The following DTNA variants were observed in gnomAD, a reference collection of about 807,000 sequenced individuals.
The protein encoded by DTNA is dystrobrevin alpha, also known as dystrophin-related protein 3.
A neutral mutation model predicts 100.7 loss-of-function variants in DTNA; 43 were observed. The ratio of observed to expected loss-of-function variants is 0.43; its 90% CI spans 0.33 to 0.55. The LOEUF (loss-of-function observed/expected upper bound fraction) is 0.55, where lower values mean the gene tolerates loss of function less well. DTNA is among the 20% of genes least tolerant of loss of function. DTNA has a pLI of 0.04. For synonymous variants in DTNA, 349 were observed against 347.9 expected (o/e 1.00, Z -0.04); for missense variants, 798 against 953.9 (o/e 0.84, Z 2.15).
rs183098383 is a variant in DTNA, at chr18:34,517,213, C to T, written c.-2+23699C>T. 6.6e-4 allele frequency among the ~76,000 whole-genome samples: 101 copies of T among 152,200 alleles called. No homozygotes were observed. The East Asian group carries it at 0.012, about 19-fold the overall frequency. ...GCTACTGCTCAAAAACTTGTTGGAA[C>T]GTCTTACACTGAAGCTGCCCTAAAT... On this transcript the variant is annotated intron_variant, in intron 1 of 19. Transcript: ENST00000283365.
At chr18:34,594,969 G>A (rs1052080731) in intron 1 of DTNA, among the ~76,000 whole-genome samples, 1 of 152,230 alleles carries the variant, frequency 6.6e-6, no homozygotes, top group Admixed American at 6.5e-5. Context: ...TTGCTTTTCA[G>A]TGTAAATATC....
intron 5 of DTNA, among the ~76,000 whole-genome samples, chr18:34,806,765 G>A (rs1222778765): frequency 2.0e-5 from 3 of 152,184 alleles, no homozygotes; most frequent in African/African-American, 4.8e-5. Flanking sequence ...TGTCAGGAAA[G>A]AAGAATAGGA....
At chr18:34,516,181 C>T (rs1022070274) in intron 1 of DTNA, among the ~76,000 whole-genome samples, 6 of 151,960 alleles carry the variant, frequency 3.9e-5, no homozygotes, top group African/African-American at 7.2e-5. Flanking sequence ...GCTGGGTGTC[C>T]GGGGAAGGCA....
At chr18:34,874,729 T>C (rs1404010645) in intron 17 of DTNA, among the ~76,000 whole-genome samples, 1 of 152,212 alleles carries the variant, frequency 6.6e-6, no homozygotes, top group Non-Finnish European at 1.5e-5. Context: ...AATTTACACT[T>C]CATTTGATTC....
chr18:34,616,704 ATTGCT>A (rs2055358014), intron 1 of DTNA, among the ~76,000 whole-genome samples: 1 of 152,160 alleles, frequency 6.6e-6, no homozygotes, highest in African/African-American at 2.4e-5. Flanking sequence ...GAATCTGTAA[ATTGCT>A]TTGAGCAATA....
intron 1 of DTNA, among the ~76,000 whole-genome samples, chr18:34,618,681 T>C (rs1232330233): frequency 6.6e-6 from 1 of 152,192 alleles, no homozygotes; most frequent in Admixed American, 6.5e-5. Flanking sequence ...CAATGTCATG[T>C]TGTGATAAAA....
chr18:34,560,928 T>G (rs2046578090), intron 1 of DTNA, among the ~76,000 whole-genome samples: 1 of 152,058 alleles, frequency 6.6e-6, no homozygotes, highest in African/African-American at 2.4e-5. Context: ...TCTCAAAAAA[T>G]AAAATTTGAA....
rs567645907 is a variant in DTNA at position 34,508,360 on chromosome 18, C to T, written c.-2+14846C>T. ...TCCAAATTAATCATTGTCATTACTA[C>T]ATCAGCTCTACCATGGGGGATTTAC... On this transcript the variant is annotated intron_variant, in intron 1 of 19. Transcript: ENST00000283365. Among the ~76,000 whole-genome samples the T allele has an allele frequency of 5.3e-5, 8 of 152,248 alleles. No homozygotes were observed. In the South Asian group the frequency reaches 1.7e-3, roughly 32 times the overall value.
chr18:34,744,580 G>T (rs984723502), intron 1 of DTNA, among the ~76,000 whole-genome samples: 1 of 152,194 alleles, frequency 6.6e-6, no homozygotes, highest in Non-Finnish European at 1.5e-5. Context: ...AAAGAGCAGG[G>T]AGGGAAAGTT....
intron 1 of DTNA, among the ~76,000 whole-genome samples, chr18:34,532,665 G>T (rs990682180): frequency 6.6e-6 from 1 of 151,796 alleles, no homozygotes; most frequent in African/African-American, 2.4e-5. Flanking sequence ...AGCATGTATC[G>T]CACTGTGTTA....
intron 3 of DTNA, among the ~76,000 whole-genome samples, chr18:34,783,467 A>G (rs939679159): frequency 1.3e-5 from 2 of 152,230 alleles, no homozygotes; most frequent in African/African-American, 4.8e-5. Flanking sequence ...CTAAAATGTT[A>G]TCTCTGTAAG....
At chr18:34,844,568 A>G (rs2096340508) in intron 13 of DTNA, among the ~76,000 whole-genome samples, 1 of 101,882 alleles carries the variant, frequency 9.8e-6, no homozygotes, top group Admixed American at 8.7e-5. Context: ...TAATCCTCTT[A>G]ATAGAAGAGT....
At chr18:34,522,406 T>G (rs539246963) in intron 1 of DTNA, among the ~76,000 whole-genome samples, 1 of 152,140 alleles carries the variant, frequency 6.6e-6, no homozygotes, top group Non-Finnish European at 1.5e-5. Flanking sequence ...TAGAACCGTA[T>G]GAGATAGGGA....
intron 4 of DTNA, among the ~76,000 whole-genome samples, chr18:34,796,380 A>C (rs2094969985): frequency 6.6e-6 from 1 of 152,250 alleles, no homozygotes; most frequent in Non-Finnish European, 1.5e-5. Context: ...TATTTCTTAT[A>C]ATAGTAAACT....
rs375080253 is a variant in DTNA at position 34,505,157 on chromosome 18, G to A, written c.-2+11643G>A. On this transcript the variant is annotated intron_variant, in intron 1 of 19. Transcript: ENST00000283365. ...GCTGCTTCCTTCTGGAGGTTCTAAG[G>A]AATAATCTATTACTTTGCTTTCTTT... Among the ~76,000 whole-genome samples, 14 of 152,164 alleles carry A rather than the reference G, an allele frequency of 9.2e-5. No homozygotes were observed. In the East Asian group the frequency reaches 1.5e-3, roughly 17 times the overall value.
At chr18:34,701,272 G>A (rs552762814) in intron 1 of DTNA, among the ~76,000 whole-genome samples, 1 of 152,192 alleles carries the variant, frequency 6.6e-6, no homozygotes, top group African/African-American at 2.4e-5. Flanking sequence ...CCCAAAAAAG[G>A]TTCTTGTTAA....
chr18:34,719,404 C>G (rs1245341106), intron 1 of DTNA, among the ~76,000 whole-genome samples: 3 of 151,930 alleles, frequency 2.0e-5, no homozygotes, highest in Non-Finnish European at 4.4e-5. Flanking sequence ...TCACAACAAC[C>G]CTATGAGCAG....
Position 34,851,847 on chromosome 18 carries a change from G to A in DTNA, c.1451G>A (p.Arg484Lys). 6 of 1,614,036 alleles carry A rather than the reference G, an allele frequency of 3.7e-6. No individual in the cohort carries two copies. Among genetic ancestry groups the A allele is most frequent in the Non-Finnish European group, 5.1e-6 (6 of 1,179,922 alleles). ...ESSSSQPPQQ[R>K]SAPDISFTID... The stretch of plus-strand genomic sequence containing the variant: ...ATTTTACAGCAGCCACCTCAGCAGA[G>A]AAGTGCTCCTGACATCTCTTTCACC... Residue 484 changes from arginine to lysine, a missense_variant, in exon 15 of 23, where the codon AGA becomes AAA. By Grantham distance (26) the Arg-to-Lys change is conservative (BLOSUM62 2). Transcript: ENST00000444659.
intron 1 of DTNA, among the ~76,000 whole-genome samples, chr18:34,733,173 G>A (rs1206846800): frequency 6.6e-6 from 1 of 152,060 alleles, no homozygotes; most frequent in Non-Finnish European, 1.5e-5. Flanking sequence ...TGCATAAATT[G>A]TCAGTAATGT....
Sources: gnomAD v4.1 joint callset for allele counts (sites outside exome capture counted in the v4.1 genomes callset) on GRCh38, gnomAD v4.1.1 for gene constraint, MANE v1.5 for transcripts, NCBI Gene and HGNC (gene_info 2026-07-23, HGNC 2026-07-21) for gene names.